Variants in TMEM9B observed in about 807,000 individuals in gnomAD.
TMEM9B encodes the protein TMEM9 domain family member B, also known as transmembrane protein 9B.
TMEM9B carries 8 observed loss-of-function variants against 23.5 expected under a neutral mutation model. That is an observed-to-expected ratio of 0.34 (90% CI 0.20 to 0.61). TMEM9B has a LOEUF of 0.61. Among genes scored for constraint, TMEM9B ranks in the 20% least tolerant of loss-of-function variants. The probability of loss-of-function intolerance (pLI) is 0.78; values close to 1 mark genes in which losing one functional copy is unlikely to be tolerated. For synonymous variants in TMEM9B, 106 were observed against 96.3 expected (o/e 1.10, Z -0.59); for missense variants, 197 against 252.3 (o/e 0.78, Z 1.49).
At chr11:8,959,872 T>C (rs963078719) in intron 2 of TMEM9B, among the ~76,000 whole-genome samples, 4 of 152,156 alleles carry the variant, frequency 2.6e-5, no homozygotes, top group Admixed American at 2.0e-4. Context: ...GACTTAAAGA[T>C]AAAAACTGGA....
chr11:8,962,190 C>T lies in TMEM9B; in HGVS notation c.106-7G>A. 6.3e-7 allele frequency: 1 copy of T among 1,584,352 alleles called. No homozygotes were observed. The highest frequency in any genetic ancestry group is 8.6e-7 in the Non-Finnish European group (1 of 1,162,286). On this transcript the variant is annotated splice_polypyrimidine_tract_variant and splice_region_variant and intron_variant, in intron 1 of 4. Coordinates refer to ENST00000534025, the MANE Select transcript of TMEM9B (RefSeq NM_020644.3). The stretch of plus-strand genomic sequence containing the variant: ...ATCTGACATCCTCGAAATTCTGTAA[C>T]CAAAATGGAAACAGTATAGTGCGTT...
chr11:8,952,862 G>C, intron 4 of TMEM9B: 1 of 501,780 alleles, frequency 2.0e-6, no homozygotes, highest in Non-Finnish European at 3.5e-6. Context: ...GATATTGACA[G>C]AGAAGGTGTT....
upstream of TMEM9B, chr11:8,964,702 G>C (rs1478101902): frequency 5.1e-6 from 1 of 197,236 alleles, no homozygotes; most frequent in Non-Finnish European, 1.0e-5. Flanking sequence ...CCCGCCCACG[G>C]AGACCCCAGC....
In TMEM9B at chr11:8,957,441, C is replaced by G. The variant is rs1337291012; in HGVS notation, c.198-1143G>C. Among the ~76,000 whole-genome samples the G allele has an allele frequency of 6.6e-6, 1 of 152,232 alleles. No individual in the cohort carries two copies. The highest frequency in any genetic ancestry group is 1.5e-5 in the Non-Finnish European group (1 of 68,044). Reference sequence around the variant, plus strand: ...TTCAGCAAAATTAGGGAAAGCTTTCCTGTCCTCCTGCCAGCTGTTGGACAA... The same window carrying G: ...TTCAGCAAAATTAGGGAAAGCTTTCGTGTCCTCCTGCCAGCTGTTGGACAA... On this transcript the variant is annotated intron_variant, in intron 2 of 4. Coordinates refer to ENST00000534025, the MANE Select transcript of TMEM9B (RefSeq NM_020644.3). This position sits in a 1 kb window ranked among gnomAD's most constrained non-coding sequence, Gnocchi z 4.3.
In TMEM9B at chr11:8,964,353, G is replaced by T; in HGVS notation, c.-40C>A. The T allele has an allele frequency of 6.5e-7, 1 of 1,540,308 alleles. No homozygotes were observed. The highest frequency in any genetic ancestry group is 1.2e-5 in the South Asian group (1 of 82,706). ...CGGTCCCACAGCCCGGAGCCCCCGC[G>T]ACCGGCTCCCGGCTCGGGCTCAGGC... is the stretch of plus-strand genomic sequence containing the variant. On this transcript the variant is annotated 5_prime_UTR_variant, in exon 1 of 5. Coordinates refer to ENST00000534025, the MANE Select transcript of TMEM9B (RefSeq NM_020644.3).
rs556450690 is a variant in TMEM9B at position 8,964,036 on chromosome 11, C to T, written c.105+173G>A. 1,575 of 654,144 alleles carry T rather than the reference C, an allele frequency of 2.4e-3. 16 individuals carry two copies. In the African/African-American group the frequency reaches 0.027, roughly 11 times the overall value. The allele number at this position is 654,144 out of a possible 1,614,324, so 40.5% of individuals were successfully genotyped here. Reference sequence around the variant, plus strand: ...GCTGTCGGGGCTGAGGGCGAGAGTGCCGCCGGGCAGTCGGGAGGGGCGGGG... The same window carrying T: ...GCTGTCGGGGCTGAGGGCGAGAGTGTCGCCGGGCAGTCGGGAGGGGCGGGG... On this transcript the variant is annotated intron_variant, in intron 1 of 4. Transcript: ENST00000534025.
chr11:8,964,445 A>C (rs552476758), upstream of TMEM9B: 290 of 1,426,286 alleles, frequency 2.0e-4, no homozygotes, highest in African/African-American at 3.3e-3. Context: ...TTCCGTCTGG[A>C]CGCGAAGGCG....
Position 8,964,300 on chromosome 11 carries a change from C to G in TMEM9B, c.14G>C (p.Trp5Ser), listed in dbSNP as rs776248129. Residue 5 changes from tryptophan to serine, a missense_variant, in exon 1 of 5, where the codon TGG becomes TCG. Trp to Ser is a radical substitution (Grantham distance 177). This residue lies in a region of TMEM9B where 56 missense variants were observed against 38.2 expected (regional missense o/e 1.46). Coordinates refer to ENST00000534025, the MANE Select transcript of TMEM9B (RefSeq NM_020644.3). The part of the protein sequence containing the change: MATL[W>S]GGLLRLGSLL... ...GGAGCCAAGCCGAAGAAGGCCTCCC[C>G]ACAGGGTCGCCATCGCTGGGGGCCC... 6.6e-5 allele frequency: 104 copies of G among 1,581,948 alleles called. 1 individual carries two copies. The South Asian group carries it at 8.9e-4, about 14-fold the overall frequency.
rs1854158599 is a variant in TMEM9B at position 8,964,429 on chromosome 11, C to T, written c.-116G>A. The T allele has an allele frequency of 1.4e-6, 2 of 1,434,062 alleles. No individual in the cohort carries two copies. Among genetic ancestry groups the T allele is most frequent in the Non-Finnish European group, 1.8e-6 (2 of 1,100,398 alleles). 88.8% of individuals were successfully genotyped at this position (1,434,062 alleles called of 1,614,324 possible). ...TGGGACCCGGCTGGGGATCCTCCGC[C>T]CGCACTTCCGTCTGGACGCGAAGGC... On this transcript the variant is annotated 5_prime_UTR_variant, in exon 1 of 5. Transcript: ENST00000534025.
At chr11:8,949,842 T>A (rs1221236745) in intron 4 of TMEM9B, among the ~76,000 whole-genome samples, 1 of 151,718 alleles carries the variant, frequency 6.6e-6, no homozygotes, top group African/African-American at 2.4e-5. Context: ...TTTTTTTTTT[T>A]AAAGAGATGG....
At position 8,948,013 on chromosome 11, in the gene TMEM9B, G is replaced by A. The variant is rs974892356; in HGVS notation, c.*307C>T. On this transcript the variant is annotated 3_prime_UTR_variant, in exon 5 of 5. Transcript: ENST00000534025. Reference sequence around the variant, plus strand: ...GAAAGTCAAGTTAAAACTATGTGGTGAAAAAGAGAGTGCTTGTTCCAGGTA... The same window carrying A: ...GAAAGTCAAGTTAAAACTATGTGGTAAAAAAGAGAGTGCTTGTTCCAGGTA... The A allele has an allele frequency of 5.5e-5, 11 of 200,816 alleles. No homozygotes were observed. Among genetic ancestry groups the A allele is most frequent in the South Asian group, 1.3e-4 (1 of 7,438 alleles). The allele number at this position is 200,816 out of a possible 1,614,324, so 12.4% of individuals were successfully genotyped here. A position where few individuals can be genotyped will look rare whatever the true frequency, so the allele number is the denominator to read the frequency against.
At chr11:8,952,275 C>T (rs11042137) in intron 4 of TMEM9B, among the ~76,000 whole-genome samples, 45 of 69,518 alleles carry the variant, frequency 6.5e-4, no homozygotes, top group Admixed American at 1.4e-3. Context: ...CACACACACA[C>T]ACACGCTATA....
chr11:8,960,184 C>T (rs1410608705), intron 2 of TMEM9B, among the ~76,000 whole-genome samples: 1 of 147,224 alleles, frequency 6.8e-6, no homozygotes, highest in East Asian at 2.0e-4. Flanking sequence ...GCTCTGTCAC[C>T]CAGGTTAGAG....
chr11:8,947,762 T>C lies in TMEM9B; in HGVS notation c.*558A>G, dbSNP rs10279. On this transcript the variant is annotated 3_prime_UTR_variant, in exon 5 of 5. Coordinates refer to ENST00000534025, the MANE Select transcript of TMEM9B (RefSeq NM_020644.3). ...GCAGACACAGCAGATACCCAGATAA[T>C]ACAGTCAGTGCAAAAGTCAAATGAG... 0.22 allele frequency: 33,985 copies of C among 152,910 alleles called. 3,845 individuals are homozygous for C. The highest frequency in any genetic ancestry group is 0.36 in the East Asian group (1,861 of 5,188). The allele number at this position is 152,910 out of a possible 1,614,324, so 9.5% of individuals were successfully genotyped here.
intron 3 of TMEM9B, among the ~76,000 whole-genome samples, chr11:8,953,664 G>C (rs975386477): frequency 2.0e-5 from 3 of 152,292 alleles, no homozygotes; most frequent in East Asian, 1.9e-4. Context: ...GCTCAATTTA[G>C]ATATACAAAA....
At position 8,947,768 on chromosome 11, in the gene TMEM9B, C is replaced by T. The variant is rs1442157531; in HGVS notation, c.*552G>A. ...ACAGCAGATACCCAGATAATACAGT[C>T]AGTGCAAAAGTCAAATGAGTAAGTC... On this transcript the variant is annotated 3_prime_UTR_variant, in exon 5 of 5. Coordinates refer to ENST00000534025, the MANE Select transcript of TMEM9B (RefSeq NM_020644.3). 2 of 153,020 alleles carry T rather than the reference C, an allele frequency of 1.3e-5. No homozygotes were observed. The highest frequency in any genetic ancestry group is 6.5e-5 in the Admixed American group (1 of 15,324). The allele number at this position is 153,020 out of a possible 1,614,324, so 9.5% of individuals were successfully genotyped here.
At chr11:8,952,124 C>A (rs964433781) in intron 4 of TMEM9B, among the ~76,000 whole-genome samples, 1 of 151,954 alleles carries the variant, frequency 6.6e-6, no homozygotes, top group Non-Finnish European at 1.5e-5. Flanking sequence ...ACAAAAAAAA[C>A]ATTCTCTAAG....
At chr11:8,962,008 C>T (rs1854091821) in intron 2 of TMEM9B, 84 bp downstream of exon 2, 3 of 873,094 alleles carry the variant, frequency 3.4e-6, no homozygotes, top group Non-Finnish European at 5.2e-6. Context: ...AAAAAGAAAA[C>T]TATGCATTTG....
At chr11:8,950,704 C>A (rs1020989966) in intron 4 of TMEM9B, among the ~76,000 whole-genome samples, 2 of 152,118 alleles carry the variant, frequency 1.3e-5, no homozygotes, top group South Asian at 4.1e-4. Context: ...ACATGTTTTA[C>A]TGTAATGCTT....
Sources: allele counts gnomAD v4.1 joint callset (sites outside exome capture counted in the v4.1 genomes callset), GRCh38; gene constraint gnomAD v4.1.1; regional missense constraint gnomAD v4.1.1; non-coding constraint Gnocchi (gnomAD v3.1); transcripts MANE v1.5; gene names NCBI Gene and HGNC (gene_info 2026-07-23, HGNC 2026-07-21).